Variants in PPP2R1A observed in about 807,000 individuals in gnomAD.
The protein encoded by PPP2R1A is serine/threonine-protein phosphatase 2A 65 kDa regulatory subunit A alpha isoform.
Under a neutral mutation model 67.1 loss-of-function variants are expected in PPP2R1A, and 15 were observed. The ratio of observed to expected loss-of-function variants is 0.22; its 90% CI spans 0.15 to 0.34. The LOEUF (loss-of-function observed/expected upper bound fraction) is 0.34, where lower values mean the gene tolerates loss of function less well. PPP2R1A is among the 10% of genes least tolerant of loss of function. PPP2R1A has a pLI of 1.00. For missense variants in PPP2R1A, 369 were observed against 775.0 expected (o/e 0.48, Z 6.22); for synonymous variants, 337 against 325.0 (o/e 1.04, Z -0.40).
rs1421597837 is a variant in PPP2R1A at position 52,225,680 on chromosome 19, C to A, written c.1662-37C>A. 3.1e-6 allele frequency: 5 copies of A among 1,594,410 alleles called. No homozygotes were observed. The Admixed American group carries it at 8.3e-5, about 27-fold the overall frequency. ...CACCTGTTGCCCCAGTCCATCCTGG[C>A]TCACCCTCTCTCTCCCTGTCTCCTT... On this transcript the variant is annotated intron_variant, in intron 13 of 14. Coordinates refer to ENST00000322088, the MANE Select transcript of PPP2R1A (RefSeq NM_014225.6).
chr19:52,192,179 G>A (rs528989872), intron 1 of PPP2R1A, among the ~76,000 whole-genome samples: 12 of 152,122 alleles, frequency 7.9e-5, no homozygotes, highest in Non-Finnish European at 1.6e-4. Context: ...GTGGGGTGGG[G>A]CAGATCCATT....
intron 12 of PPP2R1A, 146 bp downstream of exon 12, chr19:52,221,279 G>A (rs1301219781): frequency 1.6e-6 from 2 of 1,230,756 alleles, no homozygotes; most frequent in Non-Finnish European, 2.2e-6. Flanking sequence ...GAGTCCTTGG[G>A]GAACTGCAGG....
intron 11 of PPP2R1A, 87 bp downstream of exon 11, chr19:52,220,336 G>A: frequency 7.0e-7 from 1 of 1,429,776 alleles, no homozygotes; most frequent in Non-Finnish European, 9.8e-7. Flanking sequence ...GGCAGTGGAG[G>A]AGGCTAGAGT....
At chr19:52,207,637 C>T (rs1231041663) in intron 3 of PPP2R1A, among the ~76,000 whole-genome samples, 1 of 152,184 alleles carries the variant, frequency 6.6e-6, no homozygotes, top group Non-Finnish European at 1.5e-5. Context: ...AGAGTTAGAT[C>T]AGAATAGCTT....
Position 52,211,185 on chromosome 19 carries a change from G to A in PPP2R1A, c.271-75G>A. On this transcript the variant is annotated intron_variant, in intron 3 of 14. Transcript: ENST00000322088. The surrounding 1 kb of genome is among the most constrained non-coding windows in gnomAD (Gnocchi z 5.3). ...TTCTCTGAGGAGATGAGCCCATGAT[G>A]GGGTGCAGGATGGGGCTCCAGGGCT... 3 of 1,393,558 alleles carry A rather than the reference G, an allele frequency of 2.2e-6. No homozygotes were observed. The Admixed American group carries it at 6.0e-5, about 28-fold the overall frequency. The allele number at this position is 1,393,558 out of a possible 1,614,324, so 86.3% of individuals were successfully genotyped here.
intron 1 of PPP2R1A, among the ~76,000 whole-genome samples, chr19:52,195,117 C>G (rs2089486483): frequency 6.6e-6 from 1 of 152,126 alleles, no homozygotes; most frequent in Non-Finnish European, 1.5e-5. Context: ...CATATACATT[C>G]ATATTATGGA....
chr19:52,218,143 A>G lies in PPP2R1A; in HGVS notation c.1128+1480A>G, dbSNP rs147549656. Among the ~76,000 whole-genome samples the G allele has an allele frequency of 1.5e-3, 230 of 152,304 alleles. 3 individuals carry two copies. The highest frequency in any genetic ancestry group is 5.2e-3 in the African/African-American group (216 of 41,572). ...TGGTGAAAAACTGGGCAGATGGTGC[A>G]ATTGTGTGCTGGTGTGTGACATCTT... On this transcript the variant is annotated intron_variant, in intron 9 of 14. Transcript: ENST00000322088.
chr19:52,221,854 C>G (rs376300455), intron 12 of PPP2R1A, among the ~76,000 whole-genome samples: 20 of 152,206 alleles, frequency 1.3e-4, no homozygotes, highest in African/African-American at 4.8e-4. Context: ...AGGAGGGATC[C>G]TAGGGCTTGG....
At chr19:52,196,184 C>T (rs1568585642) in intron 1 of PPP2R1A, among the ~76,000 whole-genome samples, 1 of 152,068 alleles carries the variant, frequency 6.6e-6, no homozygotes. Context: ...GGGAGATAGT[C>T]AGTGCACAGG....
intron 3 of PPP2R1A, among the ~76,000 whole-genome samples, chr19:52,207,038 C>T (rs10403938): frequency 0.014 from 2,129 of 152,252 alleles, 49 homozygotes; most frequent in African/African-American, 0.049. Flanking sequence ...CAATTTGTTT[C>T]TTCCCAAATA....
At chr19:52,197,372 T>A (rs931525447) in intron 1 of PPP2R1A, among the ~76,000 whole-genome samples, 1 of 151,962 alleles carries the variant, frequency 6.6e-6, no homozygotes, top group Non-Finnish European at 1.5e-5. Flanking sequence ...CCCACCCCTC[T>A]ACAAGAGAAA....
chr19:52,222,531 T>G (rs1323311078), intron 13 of PPP2R1A: 1 of 270,856 alleles, frequency 3.7e-6, no homozygotes, highest in Non-Finnish European at 6.9e-6. Flanking sequence ...TAATTTATAA[T>G]TGCACCAAAA....
In PPP2R1A at chr19:52,213,770, G is replaced by T. The variant is rs1309863253; in HGVS notation, c.807+660G>T. Among the ~76,000 whole-genome samples, 5 of 152,036 alleles carry T rather than the reference G, an allele frequency of 3.3e-5. No homozygotes were observed. The highest frequency in any genetic ancestry group is 7.4e-5 in the Non-Finnish European group (5 of 68,014). ...CAAAGTGCTGGGATTACAGGTGTTA[G>T]CCACCGCGCCCAGCCCCGGAAAGTT... On this transcript the variant is annotated intron_variant, in intron 6 of 14. Coordinates refer to ENST00000322088, the MANE Select transcript of PPP2R1A (RefSeq NM_014225.6). The surrounding 1 kb of genome is among the most constrained non-coding windows in gnomAD (Gnocchi z 4.2).
At chr19:52,209,647 T>G (rs1600165933) in intron 3 of PPP2R1A, among the ~76,000 whole-genome samples, 1 of 152,266 alleles carries the variant, frequency 6.6e-6, no homozygotes, top group East Asian at 1.9e-4. Flanking sequence ...CAAACTGAAA[T>G]TCCAAACCCA....
At chr19:52,190,216 A>T in intron 1 of PPP2R1A, 42 bp downstream of exon 1, 1 of 1,539,768 alleles carries the variant, frequency 6.5e-7, no homozygotes, top group Non-Finnish European at 8.8e-7. Context: ...GCGGAGGGGT[A>T]CCTGGGGGCA....
At chr19:52,208,066 A>C (rs1156349131) in intron 3 of PPP2R1A, among the ~76,000 whole-genome samples, 1 of 152,206 alleles carries the variant, frequency 6.6e-6, no homozygotes, top group Non-Finnish European at 1.5e-5. Context: ...ATGGAAACCC[A>C]GAGATGTGTC....
intron 1 of PPP2R1A, among the ~76,000 whole-genome samples, chr19:52,200,679 G>T (rs1380449491): frequency 6.6e-6 from 1 of 152,228 alleles, no homozygotes; most frequent in Non-Finnish European, 1.5e-5. Context: ...CCTTTTGGAG[G>T]CTCTGAGGGA....
Position 52,213,455 on chromosome 19 carries a change from G to GTTT in PPP2R1A, c.807+346_807+347insTTT, listed in dbSNP as rs1428980249. 1.8e-5 allele frequency among the ~76,000 whole-genome samples: 2 copies of GTTT among 112,982 alleles called. No individual in the cohort carries two copies. The highest frequency in any genetic ancestry group is 3.7e-5 in the Non-Finnish European group (2 of 54,268). The allele number at this position is 112,982 out of a possible 152,430, so 74.1% of individuals were successfully genotyped here. A position where few individuals can be genotyped will look rare whatever the true frequency, so the allele number is the denominator to read the frequency against. On this transcript the variant is annotated intron_variant, in intron 6 of 14. Transcript: ENST00000322088. The surrounding 1 kb of genome is among the most constrained non-coding windows in gnomAD (Gnocchi z 4.2). Reference sequence around the variant, plus strand: ...CAGCCCAAAAAGGTGGGGTTTTTTGGTGTTTTTTTTTTTTTTTTTTTTTTT... The same window carrying GTTT: ...CAGCCCAAAAAGGTGGGGTTTTTTGGTTTTGTTTTTTTTTTTTTTTTTTTTTTT...
rs775654171 is a variant in PPP2R1A at position 52,216,033 on chromosome 19, C to A, written c.952C>A (p.Arg318=). ...EFCENLSADC[R]ENVIMSQILP... Reference sequence around the variant, plus strand: ...CTGTGAAAACCTCTCAGCTGACTGTCGGGAGAATGTGATCATGTCCCAGAT... The same window carrying A: ...CTGTGAAAACCTCTCAGCTGACTGTAGGGAGAATGTGATCATGTCCCAGAT... Residue 318 remains arginine, a synonymous_variant, in exon 8 of 15, where the codon CGG becomes AGG. Coordinates refer to ENST00000322088, the MANE Select transcript of PPP2R1A (RefSeq NM_014225.6). This position sits in a 1 kb window ranked among gnomAD's most constrained non-coding sequence, Gnocchi z 4.3. The A allele has an allele frequency of 1.2e-6, 2 of 1,613,914 alleles. No homozygotes were observed. The highest frequency in any genetic ancestry group is 3.3e-5 in the Admixed American group (2 of 59,990).
Sources: gnomAD v4.1 joint callset for allele counts (sites outside exome capture counted in the v4.1 genomes callset) on GRCh38, gnomAD v4.1.1 for gene constraint, Gnocchi (gnomAD v3.1) non-coding constraint, MANE v1.5 for transcripts, NCBI Gene and HGNC (gene_info 2026-07-23, HGNC 2026-07-21) for gene names.